Variants in RICTOR observed in about 807,000 individuals in gnomAD.
The protein encoded by RICTOR is rapamycin-insensitive companion of mTOR.
A neutral mutation model predicts 214.9 loss-of-function variants in RICTOR; 49 were observed. The observed-to-expected ratio is 0.23, with a 90% CI of 0.18 to 0.29. The LOEUF (loss-of-function observed/expected upper bound fraction) is 0.29. Among genes scored for constraint, RICTOR ranks in the 10% least tolerant of loss-of-function variants. The pLI, the probability that RICTOR is intolerant of heterozygous loss-of-function variation, is 1.00. For missense variants in RICTOR, 1,625 were observed against 2,047.0 expected (o/e 0.79, Z 3.98); for synonymous variants, 717 against 711.3 (o/e 1.01, Z -0.13).
intron 2 of RICTOR, among the ~76,000 whole-genome samples, chr5:39,059,619 A>G (rs1351930532): frequency 1.3e-5 from 2 of 152,086 alleles, no homozygotes; most frequent in African/African-American, 4.8e-5. Context: ...CTAAAATTCT[A>G]TATTCTTATG....
intron 2 of RICTOR, among the ~76,000 whole-genome samples, chr5:39,054,745 G>C (rs1339807113): frequency 6.6e-6 from 1 of 152,116 alleles, no homozygotes; most frequent in Non-Finnish European, 1.5e-5. Flanking sequence ...AAAACTGGCA[G>C]AATACTCTAT....
chr5:38,967,872 C>A, intron 12 of RICTOR, 71 bp downstream of exon 12: 2 of 747,514 alleles, frequency 2.7e-6, no homozygotes, highest in Non-Finnish European at 2.3e-6. Flanking sequence ...AGTATTTCTC[C>A]TTTTAGGAAC....
At chr5:39,067,538 C>T (rs750645468) in intron 2 of RICTOR, among the ~76,000 whole-genome samples, 1 of 152,228 alleles carries the variant, frequency 6.6e-6, no homozygotes, top group Non-Finnish European at 1.5e-5. Flanking sequence ...TTATTGATTC[C>T]TACCCTATGA....
chr5:39,034,113 G>A (rs1756476977), intron 2 of RICTOR, among the ~76,000 whole-genome samples: 1 of 152,166 alleles, frequency 6.6e-6, no homozygotes, highest in Admixed American at 6.5e-5. Context: ...CTTTGGATAA[G>A]TTAAACAAGT....
chr5:39,063,388 A>G (rs1344263903), intron 2 of RICTOR, among the ~76,000 whole-genome samples: 1 of 152,174 alleles, frequency 6.6e-6, no homozygotes, highest in Non-Finnish European at 1.5e-5. Flanking sequence ...TTTTCTCAAC[A>G]TTATCTTGAA....
At chr5:39,048,057 T>C (rs1377505844) in intron 2 of RICTOR, among the ~76,000 whole-genome samples, 1 of 152,114 alleles carries the variant, frequency 6.6e-6, no homozygotes, top group Non-Finnish European at 1.5e-5. Context: ...TCATTTAGGA[T>C]AAAAACATTA....
intron 5 of RICTOR, among the ~76,000 whole-genome samples, chr5:38,998,699 C>A (rs547333212): frequency 6.6e-6 from 1 of 151,976 alleles, no homozygotes; most frequent in African/African-American, 2.4e-5. Context: ...AGAAATGAAG[C>A]GGAGACCTGA....
intron 2 of RICTOR, among the ~76,000 whole-genome samples, chr5:39,055,378 A>C (rs1758131784): frequency 6.6e-6 from 1 of 151,364 alleles, no homozygotes; most frequent in Non-Finnish European, 1.5e-5. Context: ...CTCGGTATCA[A>C]TTAAACACTA....
rs1554068972 is a variant in RICTOR at position 38,994,451 on chromosome 5, A to AAG, written c.456+2366_456+2367dup. On this transcript the variant is annotated intron_variant, in intron 6 of 37. Transcript: ENST00000357387. ...AAAAAAAAAAAAAAAAAAAAAAAAA[A>AAG]AGTGCTTCAGATGCCAAAAGCACTA... is the stretch of plus-strand genomic sequence containing the variant. Among the ~76,000 whole-genome samples the AAG allele has an allele frequency of 2.5e-3, 252 of 101,514 alleles. 45 individuals are homozygous for AAG. The highest frequency in any genetic ancestry group is 6.6e-3 in the African/African-American group (179 of 27,280). 66.6% of individuals were successfully genotyped at this position (101,514 alleles called of 152,430 possible). A position where few individuals can be genotyped will look rare whatever the true frequency, so the allele number is the denominator to read the frequency against.
At chr5:38,976,623 A>G (rs1004968320) in intron 9 of RICTOR, among the ~76,000 whole-genome samples, 2 of 151,902 alleles carry the variant, frequency 1.3e-5, no homozygotes, top group Non-Finnish European at 2.9e-5. Flanking sequence ...AGTTGGTGAC[A>G]TACATTGACT....
chr5:39,058,454 A>C (rs1019371134), intron 2 of RICTOR, among the ~76,000 whole-genome samples: 33 of 152,210 alleles, frequency 2.2e-4, no homozygotes, highest in African/African-American at 7.7e-4. Context: ...AAGTTCTAAT[A>C]TATCTATTAG....
intron 2 of RICTOR, among the ~76,000 whole-genome samples, chr5:39,033,399 G>A (rs956356944): frequency 2.6e-5 from 4 of 152,062 alleles, no homozygotes; most frequent in Non-Finnish European, 5.9e-5. Context: ...GAGTAGCTGG[G>A]ATTACAGGTG....
intron 2 of RICTOR, among the ~76,000 whole-genome samples, chr5:39,043,368 G>A (rs1757293383): frequency 6.6e-6 from 1 of 152,120 alleles, no homozygotes; most frequent in African/African-American, 2.4e-5. Flanking sequence ...ATGATCTTAA[G>A]TGAAATAAAC....
chr5:38,989,314 T>C lies in RICTOR; in HGVS notation c.583+1635A>G, dbSNP rs189393464. Among the ~76,000 whole-genome samples, 338 of 152,324 alleles carry C rather than the reference T, an allele frequency of 2.2e-3. 1 individual carries two copies. Among genetic ancestry groups the C allele is most frequent in the African/African-American group, 7.1e-3 (295 of 41,572 alleles). Reference sequence around the variant, plus strand: ...GTGTTAGGAAAACTGGCTAGCCGTATGCAGAAAACTGAAACTGGACCCCTT... The same window carrying C: ...GTGTTAGGAAAACTGGCTAGCCGTACGCAGAAAACTGAAACTGGACCCCTT... On this transcript the variant is annotated intron_variant, in intron 7 of 37. Transcript: ENST00000357387.
At chr5:39,035,593 C>A (rs557640168) in intron 2 of RICTOR, among the ~76,000 whole-genome samples, 2 of 152,094 alleles carry the variant, frequency 1.3e-5, no homozygotes, top group Non-Finnish European at 2.9e-5. Flanking sequence ...AGACGAATGG[C>A]TAACTAGAAT....
rs748636435 is a variant in RICTOR, at chr5:38,955,647, T to C, written c.2557A>G (p.Thr853Ala). ...TCACCATCAACAGGCTTCCGGTAAG[T>C]AGTAAGTGCTTCATTGAGTTGTTCC... ...IEEQLNEALT[T>A]YRKPVDGDNY... is the part of the protein sequence containing the mutation. The change falls in exon 26 of 38, where the codon ACT (threonine) becomes GCT (alanine). Residue 853 changes from threonine (T) to alanine (A), a missense_variant. Coordinates refer to ENST00000357387, the MANE Select transcript of RICTOR (RefSeq NM_152756.5). 4 of 1,611,084 alleles carry C rather than the reference T, an allele frequency of 2.5e-6. No individual in the cohort carries two copies. The highest frequency in any genetic ancestry group is 3.4e-6 in the Non-Finnish European group (4 of 1,177,330).
chr5:39,058,026 T>C (rs944847774), intron 2 of RICTOR, among the ~76,000 whole-genome samples: 1 of 152,090 alleles, frequency 6.6e-6, no homozygotes, highest in Admixed American at 6.5e-5. Context: ...TAAAAGTGTA[T>C]GCTAAAACAA....
At position 38,960,425 on chromosome 5, in the gene RICTOR, A is replaced by C; in HGVS notation, c.1824T>G (p.Phe608Leu). ...AKQLTVVGCQ[F>L]TEFLLESEED... ...CTTCAGATTCAAGAAGAAATTCTGTAAACTGGCAACCTACAACCGTGAGCT... is the reference window on the plus strand; with the variant it reads ...CTTCAGATTCAAGAAGAAATTCTGTCAACTGGCAACCTACAACCGTGAGCT... Residue 608 changes from phenylalanine (F) to leucine (L), a missense_variant, in exon 20 of 38, where the codon TTT becomes TTG. Physicochemically the swap from Phe to Leu is conservative, Grantham distance 22. Around this residue, in one of 5 missense-constraint regions of RICTOR, gnomAD observed 1,214 missense variants for 1,470.5 expected, o/e 0.83. Transcript: ENST00000357387. 6.2e-7 allele frequency: 1 copy of C among 1,613,826 alleles called. No individual in the cohort carries two copies. Among genetic ancestry groups the C allele is most frequent in the Admixed American group, 1.7e-5 (1 of 59,980 alleles).
At chr5:38,952,928 A>T (rs913490200) in intron 29 of RICTOR, 57 bp downstream of exon 29, 42 of 1,008,630 alleles carry the variant, frequency 4.2e-5, no homozygotes, top group Non-Finnish European at 6.2e-5. Flanking sequence ...TTCCCCTAAC[A>T]TCCATTTGTG....
Sources: allele counts gnomAD v4.1 joint callset (sites outside exome capture counted in the v4.1 genomes callset), GRCh38; gene constraint gnomAD v4.1.1; regional missense constraint gnomAD v4.1.1; transcripts MANE v1.5; gene names NCBI Gene and HGNC (gene_info 2026-07-23, HGNC 2026-07-21).